Variants in PLPP2 observed in about 807,000 individuals in gnomAD.
PLPP2 encodes PAP2-gamma.
Under a neutral mutation model 35.2 loss-of-function variants are expected in PLPP2, and 29 were observed. The ratio of observed to expected loss-of-function variants is 0.82; its 90% CI spans 0.61 to 1.12. PLPP2 has a LOEUF of 1.12. Ranked by LOEUF, PLPP2 falls within the 50% of genes most tolerant of loss-of-function variation. PLPP2 has a pLI of 0.00. For missense variants in PLPP2, 353 were observed against 375.2 expected (o/e 0.94, Z 0.49); for synonymous variants, 162 against 167.0 (o/e 0.97, Z 0.23).
intron 1 of PLPP2, 142 bp downstream of exon 1, chr19:291,143 C>A (rs934703316): frequency 6.9e-7 from 1 of 1,442,526 alleles, no homozygotes; most frequent in Non-Finnish European, 9.2e-7. Context: ...GAGGTCTGGT[C>A]CTCACGCGAG....
intron 3 of PLPP2, chr19:285,185 C>G (rs1445838745): frequency 1.3e-5 from 2 of 151,458 alleles, no homozygotes; most frequent in Non-Finnish European, 1.5e-5. Context: ...GTAATCCCAG[C>G]ACTTTGGGAG....
Position 287,339 on chromosome 19 carries a change from CTT to C in PLPP2, c.482+133_482+134del. On this transcript the variant is annotated intron_variant, in intron 3 of 5. Coordinates refer to ENST00000434325, the MANE Select transcript of PLPP2 (RefSeq NM_003712.4). The surrounding 1 kb of genome is among the most constrained non-coding windows in gnomAD (Gnocchi z 4.3). The stretch of plus-strand genomic sequence containing the variant: ...TCAAAAACATACAAGAATGCACTAA[CTT>C]ATACAAAAATTAGCCGGGCGTGGTG... 1 of 1,117,560 alleles carries C rather than the reference CTT, an allele frequency of 8.9e-7. No homozygotes were observed. The highest frequency in any genetic ancestry group is 2.4e-5 in the East Asian group (1 of 41,922). The allele number at this position is 1,117,560 out of a possible 1,614,324, so 69.2% of individuals were successfully genotyped here. A position where few individuals can be genotyped will look rare whatever the true frequency, so the allele number is the denominator to read the frequency against.
Position 281,343 on chromosome 19 carries a change from C to G in PLPP2, c.*45G>C. ...GGCTGGAGGGACCACCTGGGTGGGC[C>G]TCAGCTGGACTCACAGCAGCTCCCT... On this transcript the variant is annotated 3_prime_UTR_variant, in exon 6 of 6. Transcript: ENST00000434325. 2.2e-6 allele frequency: 3 copies of G among 1,356,998 alleles called. No homozygotes were observed. Among genetic ancestry groups the G allele is most frequent in the Non-Finnish European group, 2.9e-6 (3 of 1,047,278 alleles). 84.1% of individuals were successfully genotyped at this position (1,356,998 alleles called of 1,614,324 possible). A position where few individuals can be genotyped will look rare whatever the true frequency, so the allele number is the denominator to read the frequency against.
chr19:286,620 T>C (rs1970274891), intron 3 of PLPP2: 1 of 151,978 alleles, frequency 6.6e-6, no homozygotes, highest in African/African-American at 2.4e-5. Flanking sequence ...TTAAATGCCT[T>C]AATTCAATAA....
chr19:289,595 C>G (rs770079881), intron 1 of PLPP2, among the ~76,000 whole-genome samples: 27 of 152,020 alleles, frequency 1.8e-4, no homozygotes, highest in Non-Finnish European at 3.1e-4. Flanking sequence ...CCCAGCTCCT[C>G]GGGAGGCTGA....
Position 281,513 on chromosome 19 carries a change from TGAA to T in PLPP2, c.739_741del (p.Phe247del). 1 of 1,516,112 alleles carries T rather than the reference TGAA, an allele frequency of 6.6e-7. No homozygotes were observed. The highest frequency in any genetic ancestry group is 8.8e-7 in the Non-Finnish European group (1 of 1,131,040). The allele number at this position is 1,516,112 out of a possible 1,614,324, so 93.9% of individuals were successfully genotyped here. A position where few individuals can be genotyped will look rare whatever the true frequency, so the allele number is the denominator to read the frequency against. ...AGACAGTGCTGTGGGGGTCGGGCTT[TGAA>T]GAAGTCTGAGATGTAGCAGACCTGG... On this transcript the variant is annotated inframe_deletion, in exon 6 of 6. Coordinates refer to ENST00000434325, the MANE Select transcript of PLPP2 (RefSeq NM_003712.4).
In PLPP2 at chr19:287,946, C is replaced by T. The variant is rs185483453; in HGVS notation, c.204+74G>A. 3.7e-3 allele frequency: 5,674 copies of T among 1,550,688 alleles called. 13 individuals carry two copies. Among genetic ancestry groups the T allele is most frequent in the Non-Finnish European group, 4.6e-3 (5,303 of 1,146,490 alleles). On this transcript the variant is annotated intron_variant, in intron 2 of 5. Transcript: ENST00000434325. The surrounding 1 kb of genome is among the most constrained non-coding windows in gnomAD (Gnocchi z 4.3). ...TCCAGGGCAGGGCTGTGCCACCCCC[C>T]CATCAGGCCCCCAGGGTAAAGCTGG...
At chr19:290,874 C>T (rs1970376189) in intron 1 of PLPP2, 3 of 1,119,680 alleles carry the variant, frequency 2.7e-6, no homozygotes, top group Middle Eastern at 3.4e-4. Flanking sequence ...CGGGAGCGCC[C>T]ACCCCAGGGG....
chr19:283,756 A>C (rs1419663345), intron 3 of PLPP2: 1 of 152,248 alleles, frequency 6.6e-6, no homozygotes, highest in Non-Finnish European at 1.5e-5. Flanking sequence ...GGCAGAGTTG[A>C]AAATGTGTTT....
At position 287,967 on chromosome 19, in the gene PLPP2, G is replaced by T; in HGVS notation, c.204+53C>A. On this transcript the variant is annotated intron_variant, in intron 2 of 5. Coordinates refer to ENST00000434325, the MANE Select transcript of PLPP2 (RefSeq NM_003712.4). The surrounding 1 kb of genome is among the most constrained non-coding windows in gnomAD (Gnocchi z 4.3). Reference sequence around the variant, plus strand: ...CCCCCCATCAGGCCCCCAGGGTAAAGCTGGCCCCACCCCATCCCCCTACCC... The same window carrying T: ...CCCCCCATCAGGCCCCCAGGGTAAATCTGGCCCCACCCCATCCCCCTACCC... 1 of 1,509,754 alleles carries T rather than the reference G, an allele frequency of 6.6e-7. No homozygotes were observed. Among genetic ancestry groups the T allele is most frequent in the East Asian group, 2.3e-5 (1 of 44,100 alleles). The allele number at this position is 1,509,754 out of a possible 1,614,324, so 93.5% of individuals were successfully genotyped here. A position where few individuals can be genotyped will look rare whatever the true frequency, so the allele number is the denominator to read the frequency against.
At chr19:281,666 T>A in intron 5 of PLPP2, 129 bp from the exon 6 acceptor site, 2 of 797,412 alleles carry the variant, frequency 2.5e-6, no homozygotes, top group Non-Finnish European at 3.6e-6. Flanking sequence ...ATGAGAGGAG[T>A]AGTGCCTGGG....
chr19:281,251 GCCC>G lies in PLPP2; in HGVS notation c.*134_*136del. The G allele has an allele frequency of 1.2e-6, 1 of 855,728 alleles. No individual in the cohort carries two copies. Among genetic ancestry groups the G allele is most frequent in the Non-Finnish European group, 1.6e-6 (1 of 638,082 alleles). The allele number at this position is 855,728 out of a possible 1,614,324, so 53.0% of individuals were successfully genotyped here. Reference sequence around the variant, plus strand: ...CCAGTGCAGGGCAGGGGGCAGCGGAGCCCGCTCACTGCTCCCATCAGCCCAGGG... The same window carrying G: ...CCAGTGCAGGGCAGGGGGCAGCGGAGGCTCACTGCTCCCATCAGCCCAGGG... On this transcript the variant is annotated 3_prime_UTR_variant, in exon 6 of 6. Transcript: ENST00000434325.
rs753257746 is a variant in PLPP2, at chr19:291,372, C to A, written c.-36G>T. 6.3e-7 allele frequency: 1 copy of A among 1,576,520 alleles called. No homozygotes were observed. Among genetic ancestry groups the A allele is most frequent in the South Asian group, 1.1e-5 (1 of 87,746 alleles). On this transcript the variant is annotated 5_prime_UTR_variant, in exon 1 of 6. Coordinates refer to ENST00000434325, the MANE Select transcript of PLPP2 (RefSeq NM_003712.4). ...ACCCCCGACGCCGGTCCCAGCGCGT[C>A]CCGTCGCGTCCCGGCCCGGCCGCGG...
chr19:281,183 C>A lies in PLPP2; in HGVS notation c.*205G>T, dbSNP rs1016970333. ...TGGGGACCGACGGGAACAGGTTCCC[C>A]TCCAAATGCTGAGGGCTACCCAGGC... On this transcript the variant is annotated 3_prime_UTR_variant, in exon 6 of 6. Coordinates refer to ENST00000434325, the MANE Select transcript of PLPP2 (RefSeq NM_003712.4). 4.7e-6 allele frequency: 2 copies of A among 429,554 alleles called. No homozygotes were observed. Among genetic ancestry groups the A allele is most frequent in the Non-Finnish European group, 7.8e-6 (2 of 255,794 alleles). The allele number at this position is 429,554 out of a possible 1,614,324, so 26.6% of individuals were successfully genotyped here.
chr19:287,126 GT>G lies in PLPP2; in HGVS notation c.482+347del, dbSNP rs1432232765. 4 of 232,972 alleles carry G rather than the reference GT, an allele frequency of 1.7e-5. No homozygotes were observed. The highest frequency in any genetic ancestry group is 3.4e-5 in the Non-Finnish European group (4 of 118,238). The allele number at this position is 232,972 out of a possible 1,614,324, so 14.4% of individuals were successfully genotyped here. ...ACAAAAAGAGAACCAGAATAGCTAT[GT>G]TAATATCAGACAAAACAGACATCAA... is the stretch of plus-strand genomic sequence containing the variant. On this transcript the variant is annotated intron_variant, in intron 3 of 5. Coordinates refer to ENST00000434325, the MANE Select transcript of PLPP2 (RefSeq NM_003712.4). This position sits in a 1 kb window ranked among gnomAD's most constrained non-coding sequence, Gnocchi z 4.3.
intron 3 of PLPP2, chr19:283,407 A>G (rs1970215944): frequency 6.5e-6 from 1 of 153,156 alleles, no homozygotes; most frequent in Non-Finnish European, 1.5e-5. Flanking sequence ...GGATTCCAAG[A>G]ACAGACTTTA....
rs1268468553 is a variant in PLPP2 at position 281,438 on chromosome 19, G to C, written c.817C>G (p.Leu273Val). The C allele has an allele frequency of 2.6e-6, 4 of 1,548,606 alleles. No individual in the cohort carries two copies. The highest frequency in any genetic ancestry group is 2.8e-5 in the African/African-American group (2 of 72,332). The change falls in exon 6 of 6, where the codon CTG becomes GTG. Residue 273 changes from leucine (L) to valine (V), a missense_variant. Coordinates refer to ENST00000434325, the MANE Select transcript of PLPP2 (RefSeq NM_003712.4). Reference sequence around the variant, plus strand: ...TAGTGGTTGTGGTCAGCCTCGCCCAGGGTCAACGTCAGTGACAGGCTGGGC... The same window carrying C: ...TAGTGGTTGTGGTCAGCCTCGCCCACGGTCAACGTCAGTGACAGGCTGGGC... ...RKPSLSLTLTLGEADHNHYGY... is the reference protein window; with the variant it reads ...RKPSLSLTLTVGEADHNHYGY...
intron 5 of PLPP2, 59 bp from the exon 6 acceptor site, chr19:281,596 G>A: frequency 7.2e-7 from 1 of 1,380,510 alleles, no homozygotes; most frequent in Non-Finnish European, 9.5e-7. Context: ...CAGGGACATG[G>A]GCATGAGCAG....
At chr19:289,392 ACAG>A in intron 1 of PLPP2, among the ~76,000 whole-genome samples, 1 of 152,192 alleles carries the variant, frequency 6.6e-6, no homozygotes, top group East Asian at 1.9e-4. Flanking sequence ...GGTGAAGAAA[ACAG>A]AGGCCTGCCT....
Sources: allele counts gnomAD v4.1 joint callset (sites outside exome capture counted in the v4.1 genomes callset), GRCh38; gene constraint gnomAD v4.1.1; non-coding constraint Gnocchi (gnomAD v3.1); transcripts MANE v1.5; gene names NCBI Gene and HGNC (gene_info 2026-07-23, HGNC 2026-07-21).